ROBO1: variants seen among roughly 807,000 people sequenced by gnomAD.
The protein encoded by ROBO1 is roundabout homolog 1.
A neutral mutation model predicts 195.9 loss-of-function variants in ROBO1; 149 were observed. That is an observed-to-expected ratio of 0.76 (90% confidence interval 0.67 to 0.87). The LOEUF (loss-of-function observed/expected upper bound fraction) is 0.87, where lower values mean the gene tolerates loss of function less well. Among genes scored for constraint, ROBO1 ranks in the 40% least tolerant of loss-of-function variants. The probability of loss-of-function intolerance (pLI) is 0.00; values close to 1 mark genes in which losing one functional copy is unlikely to be tolerated. For synonymous variants in ROBO1, 816 were observed against 733.2 expected (o/e 1.11, Z -1.82); for missense variants, 1,933 against 2,068.3 (o/e 0.93, Z 1.27).
intron 10 of ROBO1, among the ~76,000 whole-genome samples, chr3:78,671,142 T>C (rs533403404): frequency 1.3e-5 from 2 of 152,252 alleles, no homozygotes; most frequent in South Asian, 2.1e-4. Context: ...ATTAACCCTA[T>C]GATTACATGA....
chr3:79,633,762 C>T (rs9821198), intron 1 of ROBO1, among the ~76,000 whole-genome samples: 128,627 of 151,912 alleles, frequency 0.85, 54,537 homozygotes, highest in East Asian at 0.9. Context: ...CCTTTGATAC[C>T]CCATAGTCAA....
Position 79,018,975 on chromosome 3 carries a change from T to G in ROBO1, c.173-80048A>C, listed in dbSNP as rs1309155931. 4.0e-6 allele frequency: 4 copies of G among 988,874 alleles called. No homozygotes were observed. The East Asian group carries it at 4.5e-4, about 111-fold the overall frequency. The allele number at this position is 988,874 out of a possible 1,614,324, so 61.3% of individuals were successfully genotyped here. On this transcript the variant is annotated intron_variant, in intron 3 of 30. Transcript: ENST00000464233. ...GCGGCGGCGGCGATAGCAGCCAAAG[T>G]AGAAGCAGCAGCTCCGGAGGAAGGG... is the stretch of plus-strand genomic sequence containing the variant.
At chr3:78,670,444 A>AT (rs1437959620) in intron 10 of ROBO1, 143 bp from the exon 11 acceptor site, 1 of 670,588 alleles carries the variant, frequency 1.5e-6, no homozygotes, top group Non-Finnish European at 2.5e-6. Flanking sequence ...GCATTATTCA[A>AT]AATGCATTTA....
intron 2 of ROBO1, among the ~76,000 whole-genome samples, chr3:79,365,691 A>G (rs1028710706): frequency 2.0e-5 from 3 of 151,942 alleles, no homozygotes; most frequent in African/African-American, 7.3e-5. Flanking sequence ...AGGTCAGGAG[A>G]TCGAGACCAT....
intron 3 of ROBO1, among the ~76,000 whole-genome samples, chr3:79,040,614 T>C (rs1036691329): frequency 1.3e-5 from 2 of 152,150 alleles, no homozygotes; most frequent in African/African-American, 4.8e-5. Flanking sequence ...AATTTTCTAC[T>C]CTTCACTCTC....
intron 2 of ROBO1, among the ~76,000 whole-genome samples, chr3:79,482,644 T>G (rs532985620): frequency 6.6e-6 from 1 of 152,240 alleles, no homozygotes; most frequent in East Asian, 1.9e-4. Context: ...GGAATGCATA[T>G]AAATAATAAT....
intron 2 of ROBO1, among the ~76,000 whole-genome samples, chr3:79,251,579 C>T (rs1387660126): frequency 1.3e-5 from 2 of 151,980 alleles, no homozygotes; most frequent in East Asian, 3.9e-4. Flanking sequence ...AGTGAAACCC[C>T]ATCTCTACTA....
intron 2 of ROBO1, among the ~76,000 whole-genome samples, chr3:79,417,159 G>A (rs1424956712): frequency 2.6e-5 from 4 of 152,124 alleles, no homozygotes; most frequent in African/African-American, 9.7e-5. Context: ...CTATTGAGAA[G>A]GGGGTGGAAA....
At chr3:79,070,901 A>T (rs1333708482) in intron 3 of ROBO1, among the ~76,000 whole-genome samples, 2 of 151,626 alleles carry the variant, frequency 1.3e-5, no homozygotes, top group East Asian at 4.0e-4. Flanking sequence ...TTTTATACTG[A>T]CTTTTAAAAT....
intron 8 of ROBO1, among the ~76,000 whole-genome samples, chr3:78,703,908 C>T (rs1411851506): frequency 2.0e-5 from 3 of 152,002 alleles, no homozygotes; most frequent in African/African-American, 7.2e-5. Context: ...TGGATTATTG[C>T]CATATGTCAT....
chr3:79,202,648 ATACATCCAAGC>A (rs1369721811), intron 2 of ROBO1, among the ~76,000 whole-genome samples: 1 of 151,788 alleles, frequency 6.6e-6, no homozygotes, highest in Admixed American at 6.6e-5. Context: ...AGAAGTTGTT[ATACATCCAAGC>A]TACAGGTACC....
At chr3:79,726,290 C>G (rs1702922936) in intron 1 of ROBO1, among the ~76,000 whole-genome samples, 3 of 152,160 alleles carry the variant, frequency 2.0e-5, no homozygotes, top group Admixed American at 2.0e-4. Context: ...TACAGTCCCT[C>G]AAGCCCTCCT....
intron 2 of ROBO1, among the ~76,000 whole-genome samples, chr3:79,350,331 T>C (rs751600859): frequency 1.3e-5 from 2 of 152,210 alleles, no homozygotes; most frequent in Admixed American, 6.5e-5. Flanking sequence ...AATTTTATCC[T>C]CACGCATTGC....
rs968345186 is a variant in ROBO1 at position 79,589,898 on chromosome 3, T to A, written c.14A>T (p.His5Leu). 1 of 1,610,388 alleles carries A rather than the reference T, an allele frequency of 6.2e-7. No individual in the cohort carries two copies. Among genetic ancestry groups the A allele is most frequent in the Non-Finnish European group, 8.5e-7 (1 of 1,177,370 alleles). Residue 5 changes from histidine to leucine, a missense_variant, in exon 2 of 31, where the codon CAT becomes CTT. Around this residue, in one of 3 missense-constraint regions of ROBO1, gnomAD observed 185 missense variants for 159.5 expected, o/e 1.16. Transcript: ENST00000464233. Reference sequence around the variant, plus strand: ...TGATATCATGACCAAAAAAGGAACATGTTTCCATTTCATCTTTGTCCCTTC... The same window carrying A: ...TGATATCATGACCAAAAAAGGAACAAGTTTCCATTTCATCTTTGTCCCTTC... MKWK[H>L]VPFLVMISLL...
rs116490261 is a variant in ROBO1, at chr3:79,751,087, T to C, written c.-51+16665A>G. On this transcript the variant is annotated intron_variant, in intron 1 of 30. Transcript: ENST00000464233. ...TATTCTTCTTTCCTCCAAGAAAACATTGGCTGACATCGTGTTAGTTTTACA... is the reference window on the plus strand; with the variant it reads ...TATTCTTCTTTCCTCCAAGAAAACACTGGCTGACATCGTGTTAGTTTTACA... 5.2e-3 allele frequency among the ~76,000 whole-genome samples: 799 copies of C among 152,324 alleles called. 7 individuals carry two copies. Among genetic ancestry groups the C allele is most frequent in the African/African-American group, 0.018 (744 of 41,576 alleles).
intron 3 of ROBO1, among the ~76,000 whole-genome samples, chr3:78,985,882 A>G (rs1033271529): frequency 2.6e-5 from 4 of 152,320 alleles, no homozygotes; most frequent in African/African-American, 7.2e-5. Flanking sequence ...GCCTAGTCAA[A>G]TATCAGCTAT....
chr3:79,102,677 T>G (rs1016040588), intron 3 of ROBO1, among the ~76,000 whole-genome samples: 1 of 151,844 alleles, frequency 6.6e-6, no homozygotes, highest in Admixed American at 6.6e-5. Flanking sequence ...TAGCAAATTA[T>G]TTTTACTTCA....
chr3:79,351,998 C>A (rs2035361797), intron 2 of ROBO1, among the ~76,000 whole-genome samples: 1 of 152,146 alleles, frequency 6.6e-6, no homozygotes, highest in Non-Finnish European at 1.5e-5. Context: ...CATAAGCATT[C>A]CTCTGTCCTT....
intron 3 of ROBO1, among the ~76,000 whole-genome samples, chr3:79,073,879 A>G (rs926736881): frequency 6.6e-6 from 1 of 150,844 alleles, no homozygotes; most frequent in Non-Finnish European, 1.5e-5. Context: ...TGCAAGCGCT[A>G]TTTTGCCATC....
Sources: allele counts gnomAD v4.1 joint callset (sites outside exome capture counted in the v4.1 genomes callset), GRCh38; gene constraint gnomAD v4.1.1; regional missense constraint gnomAD v4.1.1; transcripts MANE v1.5; gene names NCBI Gene and HGNC (gene_info 2026-07-23, HGNC 2026-07-21).